FAF1: variants seen among roughly 807,000 people sequenced by gnomAD.
FAF1 encodes Fas associated factor 1.
FAF1 carries 25 observed loss-of-function variants against 92.5 expected under a neutral mutation model. The ratio of observed to expected loss-of-function variants is 0.27; its 90% CI spans 0.20 to 0.38. The LOEUF (loss-of-function observed/expected upper bound fraction) is 0.38, where lower values mean the gene tolerates loss of function less well. Ranked by LOEUF, FAF1 falls within the 10% of genes least tolerant of loss-of-function variation. FAF1 has a pLI of 1.00. For missense variants in FAF1, 636 were observed against 793.3 expected, an observed-to-expected ratio of 0.80 and a Z score of 2.38; for synonymous variants, 234 against 273.2, an observed-to-expected ratio of 0.86 and a Z score of 1.42.
At chr1:50,499,592 CTCTT>C (rs757106493) in intron 15 of FAF1, among the ~76,000 whole-genome samples, 3 of 152,048 alleles carry the variant, frequency 2.0e-5, no homozygotes, top group East Asian at 3.9e-4. Context: ...AAGTAGAACT[CTCTT>C]TATCCACAGA....
At chr1:50,729,467 A>G (rs1569848981) in intron 6 of FAF1, among the ~76,000 whole-genome samples, 1 of 151,762 alleles carries the variant, frequency 6.6e-6, no homozygotes, top group East Asian at 2.0e-4. Flanking sequence ...TAAAATAAGC[A>G]GCAATCCTAG....
At chr1:50,925,580 T>C (rs80104311) in intron 1 of FAF1, among the ~76,000 whole-genome samples, 2 of 152,018 alleles carry the variant, frequency 1.3e-5, no homozygotes, top group Non-Finnish European at 2.9e-5. Flanking sequence ...ATGGCTATTA[T>C]CAAAGACAAA....
chr1:50,660,493 T>A (rs1655324140), intron 7 of FAF1, among the ~76,000 whole-genome samples: 1 of 151,340 alleles, frequency 6.6e-6, no homozygotes, highest in South Asian at 2.1e-4. Context: ...GAGAACTAGA[T>A]TTCTTTCTTT....
intron 3 of FAF1, among the ~76,000 whole-genome samples, chr1:50,792,942 A>G (rs536741079): frequency 6.2e-4 from 94 of 152,356 alleles, no homozygotes; most frequent in African/African-American, 2.1e-3. Flanking sequence ...CAAGACCTGC[A>G]GAGACCTTTA....
chr1:50,463,505 A>G (rs562292863), intron 18 of FAF1, among the ~76,000 whole-genome samples: 18 of 152,178 alleles, frequency 1.2e-4, no homozygotes, highest in Non-Finnish European at 2.2e-4. Context: ...AAGAGCATAG[A>G]CTTTGGAGGT....
At chr1:50,697,342 T>G (rs1357461734) in intron 7 of FAF1, among the ~76,000 whole-genome samples, 1 of 152,180 alleles carries the variant, frequency 6.6e-6, no homozygotes, top group Non-Finnish European at 1.5e-5. Context: ...TTTTAAAAGG[T>G]GGGGGGCTGT....
intron 15 of FAF1, among the ~76,000 whole-genome samples, chr1:50,513,962 T>C (rs1647172038): frequency 6.6e-6 from 1 of 152,230 alleles, no homozygotes. Flanking sequence ...TTTTCTTCCT[T>C]CCAAACAGTG....
chr1:50,730,230 T>C (rs1658860173), intron 6 of FAF1, among the ~76,000 whole-genome samples: 1 of 152,224 alleles, frequency 6.6e-6, no homozygotes, highest in African/African-American at 2.4e-5. Context: ...AAATTTTGGA[T>C]TTTATTAGCA....
chr1:50,858,592 TAATA>T (rs1283094883), intron 1 of FAF1, among the ~76,000 whole-genome samples: 1 of 151,828 alleles, frequency 6.6e-6, no homozygotes, highest in Admixed American at 6.6e-5. Context: ...GCTATCTCAT[TAATA>T]ATTTTTCCTC....
chr1:50,528,971 A>T (rs1286161713), intron 15 of FAF1, among the ~76,000 whole-genome samples: 1 of 152,218 alleles, frequency 6.6e-6, no homozygotes, highest in Non-Finnish European at 1.5e-5. Flanking sequence ...TTAATGCGCT[A>T]TATAATACAT....
intron 9 of FAF1, among the ~76,000 whole-genome samples, chr1:50,585,980 G>A (rs185067944): frequency 6.6e-6 from 1 of 151,798 alleles, no homozygotes; most frequent in Non-Finnish European, 1.5e-5. Context: ...TTGAGCCCAC[G>A]AGGTCAAGGT....
chr1:50,875,813 C>T (rs1431657336), intron 1 of FAF1, among the ~76,000 whole-genome samples: 3 of 152,056 alleles, frequency 2.0e-5, no homozygotes, highest in African/African-American at 7.2e-5. Flanking sequence ...CATGAACTTA[C>T]CCCCCTAACT....
At chr1:50,497,419 G>A (rs1327048983) in intron 15 of FAF1, among the ~76,000 whole-genome samples, 5 of 151,624 alleles carry the variant, frequency 3.3e-5, no homozygotes, top group Non-Finnish European at 5.9e-5. Flanking sequence ...GTTAAAGGAA[G>A]TCTTTCAGGT....
intron 7 of FAF1, among the ~76,000 whole-genome samples, chr1:50,686,806 T>C (rs1347212436): frequency 2.6e-5 from 4 of 152,020 alleles, no homozygotes; most frequent in African/African-American, 4.8e-5. Context: ...TTGGAAAACA[T>C]TGGTATATTG....
intron 1 of FAF1, among the ~76,000 whole-genome samples, chr1:50,952,641 G>A (rs11588725): frequency 0.055 from 8,315 of 151,754 alleles, 302 homozygotes; most frequent in African/African-American, 0.1. Context: ...CTTCCCGGCC[G>A]CCATCCCGTC....
At position 50,734,676 on chromosome 1, in the gene FAF1, T is replaced by C. The variant is rs368676714; in HGVS notation, c.551+4187A>G. ...GTGAACCCAGGGGGCGGAGCTTGCA[T>C]TGAGCCGAGATCACGCCACTGCACT... is the stretch of plus-strand genomic sequence containing the variant. On this transcript the variant is annotated intron_variant, in intron 6 of 18. Transcript: ENST00000396153. 9.9e-5 allele frequency among the ~76,000 whole-genome samples: 15 copies of C among 151,018 alleles called. No individual in the cohort carries two copies. In the East Asian group the frequency reaches 2.5e-3, roughly 26 times the overall value.
chr1:50,515,687 T>C (rs541865011), intron 15 of FAF1, among the ~76,000 whole-genome samples: 1 of 152,318 alleles, frequency 6.6e-6, no homozygotes, highest in Admixed American at 6.5e-5. Context: ...AGAGAAGCGA[T>C]GAATACTTAC....
intron 8 of FAF1, among the ~76,000 whole-genome samples, chr1:50,637,445 T>A (rs1472416706): frequency 6.6e-6 from 1 of 150,504 alleles, no homozygotes; most frequent in East Asian, 2.0e-4. Flanking sequence ...AGAGCAAGAC[T>A]CCGTCTCAAA....
intron 15 of FAF1, among the ~76,000 whole-genome samples, chr1:50,502,636 A>G (rs545391884): frequency 1.3e-5 from 2 of 152,280 alleles, no homozygotes; most frequent in South Asian, 2.1e-4. Flanking sequence ...GACTTGCCGT[A>G]TATGTCAGCA....
Sources: allele counts gnomAD v4.1 joint callset (sites outside exome capture counted in the v4.1 genomes callset), GRCh38; gene constraint gnomAD v4.1.1; transcripts MANE v1.5; gene names NCBI Gene and HGNC (gene_info 2026-07-23, HGNC 2026-07-21).